SPATA16: variants seen among roughly 807,000 people sequenced by gnomAD.
SPATA16 encodes the protein spermatogenesis associated 16, also known as spermatogenesis-associated protein 16.
SPATA16 carries 36 observed loss-of-function variants against 63.3 expected under a neutral mutation model. The ratio of observed to expected loss-of-function variants is 0.57; its 90% confidence interval spans 0.44 to 0.75. The LOEUF is 0.75. Ranked by LOEUF, SPATA16 falls within the 30% of genes least tolerant of loss-of-function variation. The pLI is 0.00. For missense variants in SPATA16, 646 were observed against 679.3 expected (o/e 0.95, Z 0.54); for synonymous variants, 203 against 216.7 (o/e 0.94, Z 0.56).
intron 6 of SPATA16, among the ~76,000 whole-genome samples, chr3:172,944,657 T>C (rs1445162943): frequency 6.6e-6 from 1 of 152,168 alleles, no homozygotes; most frequent in Non-Finnish European, 1.5e-5. Flanking sequence ...TTATTTAACC[T>C]TAGAAAGGAA....
At chr3:173,059,993 A>G (rs1577153633) in intron 2 of SPATA16, among the ~76,000 whole-genome samples, 1 of 152,078 alleles carries the variant, frequency 6.6e-6, no homozygotes, top group South Asian at 2.1e-4. Context: ...ACAGTGGCTC[A>G]TGCCTGTAAT....
chr3:172,919,807 A>G (rs1732578936), intron 8 of SPATA16, among the ~76,000 whole-genome samples: 2 of 151,350 alleles, frequency 1.3e-5, no homozygotes, highest in Admixed American at 6.6e-5. Flanking sequence ...CCTCCTGAAT[A>G]GCTGGGACTA....
intron 5 of SPATA16, among the ~76,000 whole-genome samples, chr3:172,962,186 G>C (rs1173961179): frequency 6.8e-6 from 1 of 147,612 alleles, no homozygotes. Flanking sequence ...CCAGGAAGTG[G>C]AGGTTGCAGT....
At chr3:172,994,686 G>C (rs1243966895) in intron 4 of SPATA16, among the ~76,000 whole-genome samples, 1 of 152,090 alleles carries the variant, frequency 6.6e-6, no homozygotes, top group Admixed American at 6.6e-5. Context: ...AATCTGGAAA[G>C]AGATGTGTTC....
chr3:173,136,470 T>C (rs1178207285), intron 1 of SPATA16, among the ~76,000 whole-genome samples: 1 of 152,176 alleles, frequency 6.6e-6, no homozygotes, highest in East Asian at 1.9e-4. Flanking sequence ...GAGGTATCCA[T>C]GCCCTCAAGG....
chr3:172,986,891 G>C (rs773208841), intron 4 of SPATA16, among the ~76,000 whole-genome samples: 8 of 152,036 alleles, frequency 5.3e-5, no homozygotes, highest in Non-Finnish European at 8.8e-5. Context: ...TCTAAACTAG[G>C]GCAGTGACTA....
chr3:172,916,526 A>G (rs1732492946), intron 8 of SPATA16, 45 bp from the exon 9 acceptor site: 1 of 1,605,384 alleles, frequency 6.2e-7, no homozygotes, highest in Non-Finnish European at 8.5e-7. Context: ...AACCACGGAA[A>G]TAGACCTCTC....
At chr3:173,121,252 GGAACT>G (rs1738062414) in intron 1 of SPATA16, among the ~76,000 whole-genome samples, 1 of 151,170 alleles carries the variant, frequency 6.6e-6, no homozygotes, top group South Asian at 2.1e-4. Flanking sequence ...GAAGAGTTAT[GGAACT>G]GCTGCTTATG....
In SPATA16 at chr3:172,956,821, T is replaced by C. The variant is rs1489082508; in HGVS notation, c.937A>G (p.Met313Val). 4 of 1,613,216 alleles carry C rather than the reference T, an allele frequency of 2.5e-6. No homozygotes were observed. Among genetic ancestry groups the C allele is most frequent in the African/African-American group, 1.3e-5 (1 of 74,886 alleles). The change falls in exon 6 of 11, where the codon ATG (methionine) becomes GTG (valine). Residue 313 changes from methionine (M) to valine (V), a missense_variant. By Grantham distance (21) the Met-to-Val change is conservative (BLOSUM62 1). Transcript: ENST00000351008. The part of the protein sequence containing the change: ...SKLIKLYWQA[M>V]IEEAITRAES... ...GCTCTGGTGATGGCTTCCTCAATCA[T>C]GGCCTAAGAGGAAACAAACAACCCA...
chr3:173,052,076 G>T (rs993096978), intron 2 of SPATA16, among the ~76,000 whole-genome samples: 1 of 152,126 alleles, frequency 6.6e-6, no homozygotes, highest in Non-Finnish European at 1.5e-5. Context: ...CTCCCAAAGC[G>T]CTGGGATTAC....
chr3:172,920,294 G>C (rs78079493), intron 8 of SPATA16, among the ~76,000 whole-genome samples: 1 of 152,162 alleles, frequency 6.6e-6, no homozygotes, highest in South Asian at 2.1e-4. Flanking sequence ...AAATTGCAGA[G>C]CACTATGCAT....
intron 3 of SPATA16, among the ~76,000 whole-genome samples, chr3:173,031,201 C>T (rs555559956): frequency 6.6e-6 from 1 of 151,214 alleles, no homozygotes; most frequent in Non-Finnish European, 1.5e-5. Context: ...ACACTTAACA[C>T]TGGGTAAGAT....
intron 3 of SPATA16, among the ~76,000 whole-genome samples, chr3:173,047,580 A>G (rs750881056): frequency 3.3e-4 from 50 of 152,008 alleles, no homozygotes; most frequent in Non-Finnish European, 8.8e-5. Flanking sequence ...TTGCATGATC[A>G]AATATTTTTT....
At chr3:172,896,653 G>A (rs1273707662) in intron 10 of SPATA16, among the ~76,000 whole-genome samples, 1 of 152,152 alleles carries the variant, frequency 6.6e-6, no homozygotes, top group Non-Finnish European at 1.5e-5. Flanking sequence ...TTTAATAGGT[G>A]TGTAGTGACA....
At chr3:172,985,471 G>A (rs1262967599) in intron 4 of SPATA16, among the ~76,000 whole-genome samples, 1 of 152,078 alleles carries the variant, frequency 6.6e-6, no homozygotes, top group African/African-American at 2.4e-5. Flanking sequence ...TTCCAATTGG[G>A]CTATCAATAT....
intron 2 of SPATA16, among the ~76,000 whole-genome samples, chr3:173,079,455 CT>C (rs1262701268): frequency 2.0e-5 from 3 of 152,068 alleles, no homozygotes; most frequent in Non-Finnish European, 4.4e-5. Flanking sequence ...CATTTTTTCC[CT>C]TTTCCAGAGG....
chr3:173,118,608 T>C (rs1030066546), intron 1 of SPATA16, among the ~76,000 whole-genome samples: 1 of 152,188 alleles, frequency 6.6e-6, no homozygotes, highest in Admixed American at 6.5e-5. Flanking sequence ...TTTTCACCTA[T>C]CACATTCTAT....
intron 5 of SPATA16, among the ~76,000 whole-genome samples, chr3:172,962,291 G>C (rs1733808921): frequency 6.7e-6 from 1 of 149,134 alleles, no homozygotes; most frequent in South Asian, 2.1e-4. Context: ...ACTCACAGGT[G>C]GGAAGGAAGA....
chr3:173,086,258 G>C (rs1399354999), intron 2 of SPATA16, among the ~76,000 whole-genome samples: 1 of 152,034 alleles, frequency 6.6e-6, no homozygotes, highest in Non-Finnish European at 1.5e-5. Flanking sequence ...GTACAACCTT[G>C]GGTGGGTGTA....
Sources: allele counts gnomAD v4.1 joint callset (sites outside exome capture counted in the v4.1 genomes callset), GRCh38; gene constraint gnomAD v4.1.1; transcripts MANE v1.5; gene names NCBI Gene and HGNC (gene_info 2026-07-23, HGNC 2026-07-21).